Variants in SNRPN observed in about 807,000 individuals in gnomAD.
SNRPN encodes the protein small nuclear ribonucleoprotein-associated protein N.
SNRPN carries 7 observed loss-of-function variants against 25.2 expected under a neutral mutation model. The ratio of observed to expected loss-of-function variants is 0.28; its 90% CI spans 0.16 to 0.52. The LOEUF (loss-of-function observed/expected upper bound fraction) is 0.52, where lower values mean the gene tolerates loss of function less well. Ranked by LOEUF, SNRPN falls within the 20% of genes least tolerant of loss-of-function variation. The pLI, the probability that SNRPN is intolerant of heterozygous loss-of-function variation, is 0.96. For synonymous variants in SNRPN, 124 were observed against 110.6 expected, an observed-to-expected ratio of 1.12 and a Z score of -0.76; for missense variants, 196 against 322.5, an observed-to-expected ratio of 0.61 and a Z score of 3.00.
chr15:24,924,421 G>C (rs927827883), intron 3 of SNRPN, among the ~76,000 whole-genome samples: 8 of 151,472 alleles, frequency 5.3e-5, no homozygotes, highest in Non-Finnish European at 1.2e-4. Context: ...ATCTTCCCTG[G>C]TTAGTGAGTT....
intron 2 of SNRPN, among the ~76,000 whole-genome samples, chr15:24,918,551 T>C (rs1218834940): frequency 4.1e-5 from 4 of 97,936 alleles, no homozygotes; most frequent in Admixed American, 1.3e-4. Flanking sequence ...TATATGTGTG[T>C]ATATATAACA....
At position 24,848,232 on chromosome 15, in the gene SNRPN, G is replaced by GGGGGCGGGGGCGGCGGCT. The variant is rs2052401986; in HGVS notation, c.-579+18344_-579+18345insTGGGGCGGGGGCGGCGGC. 3 of 131,610 alleles carry GGGGGCGGGGGCGGCGGCT rather than the reference G, an allele frequency of 2.3e-5. 1 individual carries two copies. The highest frequency in any genetic ancestry group is 1.5e-4 in the Admixed American group (2 of 12,962). The allele number at this position is 131,610 out of a possible 1,614,324, so 8.2% of individuals were successfully genotyped here. A position where few individuals can be genotyped will look rare whatever the true frequency, so the allele number is the denominator to read the frequency against. On this transcript the variant is annotated intron_variant, in intron 2 of 12. Coordinates refer to the SNRPN transcript ENST00000400100. Reference sequence around the variant, plus strand: ...GGAGCTGGGGGGCGGGGGCGGCGGTGGGGGCGGGGGCGGCGGCGGGGGCGG... The same window carrying GGGGGCGGGGGCGGCGGCT: ...GGAGCTGGGGGGCGGGGGCGGCGGTGGGGGCGGGGGCGGCGGCTGGGGCGGGGGCGGCGGCGGGGGCGG...
chr15:24,970,603 T>C lies in SNRPN; in HGVS notation c.-144+2521T>C, dbSNP rs75930233. 2.5e-3 allele frequency among the ~76,000 whole-genome samples: 375 copies of C among 152,260 alleles called. 5 individuals carry two copies. The highest frequency in any genetic ancestry group is 8.8e-3 in the African/African-American group (366 of 41,548). On this transcript the variant is annotated intron_variant, in intron 3 of 9. Transcript: ENST00000390687. ...TCAAAAAAAAATTGTGTTATGAATATTCTGTTTTTCTTTGGTACCTAAATA... is the reference window on the plus strand; with the variant it reads ...TCAAAAAAAAATTGTGTTATGAATACTCTGTTTTTCTTTGGTACCTAAATA...
chr15:24,847,845 G>T (rs905988807), intron 2 of SNRPN, among the ~76,000 whole-genome samples: 4 of 151,988 alleles, frequency 2.6e-5, no homozygotes, highest in Non-Finnish European at 5.9e-5. Context: ...ATCATACTTC[G>T]GATATAACTG....
chr15:24,935,924 G>A (rs1344771751), intron 3 of SNRPN, among the ~76,000 whole-genome samples: 1 of 151,958 alleles, frequency 6.6e-6, no homozygotes, highest in Admixed American at 6.6e-5. Flanking sequence ...GACCAGCCTG[G>A]CCAACATAGT....
chr15:24,843,827 G>A (rs2051933865), intron 2 of SNRPN, among the ~76,000 whole-genome samples: 2 of 96,784 alleles, frequency 2.1e-5, no homozygotes, highest in Admixed American at 2.1e-4. Context: ...AGAAAACTTA[G>A]CTAGGCGTGG....
chr15:24,955,747 A>AGGC (rs1267877516), intron 1 of SNRPN, among the ~76,000 whole-genome samples: 1 of 147,314 alleles, frequency 6.8e-6, no homozygotes, highest in African/African-American at 2.5e-5. Flanking sequence ...GGTAGGGGGA[A>AGGC]GGCGGCGACA....
chr15:24,840,833 GAC>G (rs919327271), intron 2 of SNRPN, among the ~76,000 whole-genome samples: 85 of 152,206 alleles, frequency 5.6e-4, no homozygotes, highest in African/African-American at 2.0e-3. Context: ...GTTACATTGT[GAC>G]AGGTGGGTTG....
At chr15:24,925,652 G>T (rs1221553639) in intron 3 of SNRPN, among the ~76,000 whole-genome samples, 1 of 151,988 alleles carries the variant, frequency 6.6e-6, no homozygotes, top group African/African-American at 2.4e-5. Flanking sequence ...TTGTGCAGTT[G>T]TGCGATCACT....
chr15:24,832,629 C>T (rs1034220868), intron 2 of SNRPN, among the ~76,000 whole-genome samples: 3 of 151,930 alleles, frequency 2.0e-5, no homozygotes, highest in African/African-American at 7.3e-5. Context: ...GGTCCCTTTC[C>T]ACGCAATGGA....
rs187821776 is a variant in SNRPN, at chr15:24,847,499, G to T, written c.-579+17594G>T. Reference sequence around the variant, plus strand: ...CTACTAAAAATACAAAAATTAGTGGGCATGGTGGCGGGTGCCTGTAATCCC... The same window carrying T: ...CTACTAAAAATACAAAAATTAGTGGTCATGGTGGCGGGTGCCTGTAATCCC... On this transcript the variant is annotated intron_variant, in intron 2 of 12. Coordinates refer to the SNRPN transcript ENST00000400100. Among the ~76,000 whole-genome samples the T allele has an allele frequency of 3.0e-4, 46 of 152,242 alleles. 3 individuals are homozygous for T. Among genetic ancestry groups the T allele is most frequent in the Admixed American group, 2.1e-3 (32 of 15,286 alleles).
intron 1 of SNRPN, among the ~76,000 whole-genome samples, chr15:24,880,036 C>G (rs74325169): frequency 6.6e-6 from 1 of 152,146 alleles, no homozygotes; most frequent in Non-Finnish European, 1.5e-5. Context: ...TTTTCGTTTC[C>G]TTATGTCTCC....
At chr15:24,878,814 A>G (rs539809398) in intron 1 of SNRPN, among the ~76,000 whole-genome samples, 104 of 152,248 alleles carry the variant, frequency 6.8e-4, no homozygotes, top group African/African-American at 2.4e-3. Context: ...ATTTTTAAGA[A>G]ATGAGATACT....
Position 24,912,743 on chromosome 15 carries a change from T to C in SNRPN, c.-504-7268T>C, listed in dbSNP as rs193205892. On this transcript the variant is annotated intron_variant, in intron 2 of 11. Transcript: ENST00000400097. The stretch of plus-strand genomic sequence containing the variant: ...GTGTATTAATTTAAAGGGAGTACTT[T>C]CTTGCCCTTCTGCCCCATTCACCAT... Among the ~76,000 whole-genome samples the C allele has an allele frequency of 2.6e-4, 39 of 152,296 alleles. 1 individual carries two copies. The East Asian group carries it at 7.5e-3, about 29-fold the overall frequency.
rs575244797 is a variant in SNRPN at position 24,894,331 on chromosome 15, G to A, written c.-505+7742G>A. Among the ~76,000 whole-genome samples, 368 of 151,816 alleles carry A rather than the reference G, an allele frequency of 2.4e-3. 2 individuals carry two copies. Among genetic ancestry groups the A allele is most frequent in the Non-Finnish European group, 4.3e-3 (294 of 67,974 alleles). ...CCTCCCAGGTTCACGCCATTCTCCC[G>A]CCTCAGCCTCCCAAGTAGCTGGGAC... On this transcript the variant is annotated intron_variant, in intron 2 of 11. Transcript: ENST00000400097.
chr15:24,840,993 C>G (rs966191619), intron 2 of SNRPN, among the ~76,000 whole-genome samples: 29 of 152,196 alleles, frequency 1.9e-4, no homozygotes, highest in African/African-American at 6.3e-4. Flanking sequence ...AGGCGCCCAC[C>G]ACCATGCCCT....
At chr15:24,904,937 C>T (rs1357816098) in intron 2 of SNRPN, among the ~76,000 whole-genome samples, 1 of 127,518 alleles carries the variant, frequency 7.8e-6, no homozygotes, top group East Asian at 2.4e-4. Context: ...GGCAAGACTC[C>T]GTCTCAAAAA....
At chr15:24,916,898 T>C (rs975673230) in intron 2 of SNRPN, among the ~76,000 whole-genome samples, 2 of 152,046 alleles carry the variant, frequency 1.3e-5, no homozygotes, top group Admixed American at 1.3e-4. Context: ...ATTGTGAAGA[T>C]CGAAAGAACA....
At chr15:24,853,835 G>A (rs1486703639), upstream of SNRPN, among the ~76,000 whole-genome samples, 2 of 152,108 alleles carry the variant, frequency 1.3e-5, no homozygotes, top group Non-Finnish European at 2.9e-5. Flanking sequence ...TTCTTCCACT[G>A]TTAAATTGCT....
Sources: gnomAD v4.1 joint callset for allele counts (sites outside exome capture counted in the v4.1 genomes callset) on GRCh38, gnomAD v4.1.1 for gene constraint, MANE v1.5 for transcripts, NCBI Gene and HGNC (gene_info 2026-07-23, HGNC 2026-07-21) for gene names.